The following ZNF407 variants were observed in gnomAD, a reference collection of about 807,000 sequenced individuals.
The protein encoded by ZNF407 is zinc finger protein 407.
In ZNF407, 17 loss-of-function variants were observed where a neutral mutation model predicts 131.2. The observed-to-expected ratio is 0.13, with a 90% confidence interval of 0.09 to 0.19. The LOEUF (loss-of-function observed/expected upper bound fraction) is 0.19, where lower values mean the gene tolerates loss of function less well. Among genes scored for constraint, ZNF407 ranks in the 10% least tolerant of loss-of-function variants. The pLI is 1.00. For synonymous variants in ZNF407, 1,156 were observed against 1,062.0 expected, an observed-to-expected ratio of 1.09 and a Z score of -1.72; for missense variants, 2,681 against 2,830.6, an observed-to-expected ratio of 0.95 and a Z score of 1.20.
In ZNF407 at chr18:74,817,504, A is replaced by G. The variant is rs906646188; in HGVS notation, c.4877+36002A>G. 6.6e-5 allele frequency among the ~76,000 whole-genome samples: 10 copies of G among 152,218 alleles called. 1 individual carries two copies. Among genetic ancestry groups the G allele is most frequent in the African/African-American group, 2.4e-4 (10 of 41,462 alleles). ...TAGAAAAATATGTGTGATAATTTAT[A>G]TGTAAAAATAGGTAACTTTTATGAT... On this transcript the variant is annotated intron_variant, in intron 4 of 8. Coordinates refer to ENST00000299687, the MANE Select transcript of ZNF407 (RefSeq NM_017757.3).
At chr18:74,946,447 A>T (rs1568279245) in intron 8 of ZNF407, among the ~76,000 whole-genome samples, 1 of 152,220 alleles carries the variant, frequency 6.6e-6, no homozygotes, top group Non-Finnish European at 1.5e-5. Flanking sequence ...GATTTTTAGT[A>T]ATCAAATTAA....
chr18:74,975,986 TTTTA>T (rs1972523880), intron 8 of ZNF407, among the ~76,000 whole-genome samples: 3 of 152,238 alleles, frequency 2.0e-5, no homozygotes, highest in Admixed American at 2.0e-4. Flanking sequence ...AGTTTTCTTT[TTTTA>T]TTTATGTATT....
At chr18:74,886,395 A>G (rs921789286) in intron 6 of ZNF407, among the ~76,000 whole-genome samples, 25 of 151,596 alleles carry the variant, frequency 1.6e-4, no homozygotes, top group Non-Finnish European at 2.9e-4. Flanking sequence ...ACATATGCCT[A>G]TCATACTCCA....
At chr18:74,722,277 C>T (rs1968056789) in intron 3 of ZNF407, among the ~76,000 whole-genome samples, 1 of 152,044 alleles carries the variant, frequency 6.6e-6, no homozygotes, top group South Asian at 2.1e-4. Flanking sequence ...CCATAGGTCT[C>T]TCCGGCTCAT....
chr18:74,712,898 A>G (rs943832749), intron 3 of ZNF407, among the ~76,000 whole-genome samples: 4 of 152,138 alleles, frequency 2.6e-5, no homozygotes, highest in African/African-American at 9.7e-5. Flanking sequence ...AAGGAAGAAG[A>G]CAGGAAGTCA....
At chr18:74,890,754 AAG>A (rs1447441127) in intron 7 of ZNF407, among the ~76,000 whole-genome samples, 1 of 152,216 alleles carries the variant, frequency 6.6e-6, no homozygotes, top group Non-Finnish European at 1.5e-5. Context: ...TGAATGGGAA[AAG>A]AGAGAGGCCA....
intron 3 of ZNF407, among the ~76,000 whole-genome samples, chr18:74,685,302 A>G (rs961362435): frequency 8.5e-5 from 13 of 152,214 alleles, no homozygotes; most frequent in African/African-American, 3.1e-4. Context: ...ACCCACGTGA[A>G]GAGATGTGGT....
chr18:74,772,295 T>C (rs1969378761), intron 3 of ZNF407, among the ~76,000 whole-genome samples: 1 of 152,180 alleles, frequency 6.6e-6, no homozygotes, highest in Non-Finnish European at 1.5e-5. Context: ...ATTTGTTGCT[T>C]TTTTAAATTA....
In ZNF407 at chr18:74,631,959, A is replaced by T. The variant is rs766516797; in HGVS notation, c.940A>T (p.Asn314Tyr). The change falls in exon 2 of 9, where the codon AAT (asparagine) becomes TAT (tyrosine). Residue 314 changes from asparagine (N) to tyrosine (Y), a missense_variant. By Grantham distance (143) the Asn-to-Tyr change is moderately radical. Around this residue, in one of 6 missense-constraint regions of ZNF407, gnomAD observed 1,789 missense variants for 1,748.7 expected, o/e 1.02. Coordinates refer to ENST00000299687, the MANE Select transcript of ZNF407 (RefSeq NM_017757.3). The stretch of plus-strand genomic sequence containing the variant: ...AAGAACTTCTAAATCAATAGCAAAG[A>T]ATAGTGATTCAAAAGGATTACGAAA... ...KPRTSKSIAK[N>Y]SDSKGLRNVG... 53 of 1,613,926 alleles carry T rather than the reference A, an allele frequency of 3.3e-5. No individual in the cohort carries two copies. The highest frequency in any genetic ancestry group is 3.3e-5 in the Non-Finnish European group (39 of 1,179,906).
intron 4 of ZNF407, among the ~76,000 whole-genome samples, chr18:74,863,398 A>AT (rs1970965887): frequency 6.6e-6 from 1 of 152,070 alleles, no homozygotes; most frequent in Non-Finnish European, 1.5e-5. Flanking sequence ...TACAACACAC[A>AT]TCTCTACATA....
chr18:74,949,032 G>A (rs1972184977), intron 8 of ZNF407, among the ~76,000 whole-genome samples: 1 of 152,116 alleles, frequency 6.6e-6, no homozygotes, highest in Non-Finnish European at 1.5e-5. Context: ...AGCCAGCCAT[G>A]GTGTCCACTT....
intron 3 of ZNF407, among the ~76,000 whole-genome samples, chr18:74,742,672 T>G (rs1295835743): frequency 3.3e-5 from 5 of 152,200 alleles, no homozygotes; most frequent in Admixed American, 3.3e-4. Flanking sequence ...TTGTTCGTTT[T>G]GCTTACTTGT....
At chr18:75,004,454 C>T (rs971502049) in intron 8 of ZNF407, among the ~76,000 whole-genome samples, 2 of 152,288 alleles carry the variant, frequency 1.3e-5, no homozygotes, top group Middle Eastern at 3.4e-3. Flanking sequence ...AGGACAGGCC[C>T]GTGCCACCGA....
rs776241248 is a variant in ZNF407 at position 74,631,718 on chromosome 18, T to C, written c.699T>C (p.His233=). The change falls in exon 2 of 9, where the codon CAT becomes CAC. Residue 233 remains histidine (H), a synonymous_variant. Transcript: ENST00000299687. ...KAESSSALHM[H]IKQAHGPQKV... The stretch of plus-strand genomic sequence containing the variant: ...AGAGCAGCTCAGCACTACATATGCA[T>C]ATCAAACAAGCACATGGGCCACAGA... 8.1e-6 allele frequency: 13 copies of C among 1,614,014 alleles called. No individual in the cohort carries two copies. The South Asian group carries it at 1.2e-4, about 15-fold the overall frequency.
At chr18:74,654,718 A>T (rs1985376036) in intron 3 of ZNF407, among the ~76,000 whole-genome samples, 1 of 151,886 alleles carries the variant, frequency 6.6e-6, no homozygotes, top group South Asian at 2.1e-4. Context: ...AACAAATTAA[A>T]TTTATCTTAT....
intron 7 of ZNF407, chr18:74,898,118 C>G (rs955274798): frequency 3.9e-5 from 6 of 152,060 alleles, no homozygotes; most frequent in Admixed American, 1.3e-4. Context: ...ATGGTGATGC[C>G]GTCGTTTTTA....
In ZNF407 at chr18:74,690,453, T is replaced by G. The variant is rs886886833; in HGVS notation, c.4802+49331T>G. ...TAGTTTTTTTTTGTTTTTTTGGGGG[T>G]TTTTTTTGGTGTTTATTATTTTTGC... is the stretch of plus-strand genomic sequence containing the variant. On this transcript the variant is annotated intron_variant, in intron 3 of 8. Transcript: ENST00000299687. Among the ~76,000 whole-genome samples, 205 of 147,144 alleles carry G rather than the reference T, an allele frequency of 1.4e-3. 1 individual carries two copies. The highest frequency in any genetic ancestry group is 4.8e-3 in the African/African-American group (188 of 39,224).
intron 4 of ZNF407, among the ~76,000 whole-genome samples, chr18:74,792,547 GTTA>G (rs778559823): frequency 3.3e-5 from 5 of 150,064 alleles, no homozygotes; most frequent in African/African-American, 4.9e-5. Flanking sequence ...AAATTATATT[GTTA>G]TTATGATAAT....
rs193186394 is a variant in ZNF407, at chr18:74,656,174, G to A, written c.4802+15052G>A. ...AAATTTTACTCACACATTTGTTAAAGGATAGTTGAAATATTCAGATGCATC... is the reference window on the plus strand; with the variant it reads ...AAATTTTACTCACACATTTGTTAAAAGATAGTTGAAATATTCAGATGCATC... On this transcript the variant is annotated intron_variant, in intron 3 of 8. Transcript: ENST00000299687. 1.1e-3 allele frequency among the ~76,000 whole-genome samples: 174 copies of A among 152,098 alleles called. 4 individuals carry two copies. Among genetic ancestry groups the A allele is most frequent in the Non-Finnish European group, 1.0e-3 (69 of 67,978 alleles).
Sources: gnomAD v4.1 joint callset for allele counts (sites outside exome capture counted in the v4.1 genomes callset) on GRCh38, gnomAD v4.1.1 for gene constraint, gnomAD v4.1.1 regional missense constraint, MANE v1.5 for transcripts, NCBI Gene and HGNC (gene_info 2026-07-23, HGNC 2026-07-21) for gene names.